SRGAP1: variants seen among roughly 807,000 people sequenced by gnomAD.
The protein encoded by SRGAP1 is SLIT-ROBO Rho GTPase-activating protein 1.
Under a neutral mutation model 121.9 loss-of-function variants are expected in SRGAP1, and 43 were observed. The ratio of observed to expected loss-of-function variants is 0.35; its 90% CI spans 0.28 to 0.46. The LOEUF (loss-of-function observed/expected upper bound fraction) is 0.46. Among genes scored for constraint, SRGAP1 ranks in the 20% least tolerant of loss-of-function variants. SRGAP1 has a pLI of 1.00. For missense variants in SRGAP1, 1,102 were observed against 1,350.9 expected, an observed-to-expected ratio of 0.82 and a Z score of 2.89; for synonymous variants, 447 against 485.4, an observed-to-expected ratio of 0.92 and a Z score of 1.04.
intron 12 of SRGAP1, among the ~76,000 whole-genome samples, chr12:64,092,958 A>G (rs994942965): frequency 6.6e-6 from 1 of 152,204 alleles, no homozygotes; most frequent in Non-Finnish European, 1.5e-5. Context: ...TAAACCAGCT[A>G]TCATGGAAAA....
At chr12:63,969,365 C>G (rs1384362133) in intron 1 of SRGAP1, among the ~76,000 whole-genome samples, 1 of 152,016 alleles carries the variant, frequency 6.6e-6, no homozygotes, top group Non-Finnish European at 1.5e-5. Flanking sequence ...GTCTTATAAC[C>G]GAATAACCTA....
chr12:64,088,456 C>T (rs1289851428), intron 11 of SRGAP1, among the ~76,000 whole-genome samples: 1 of 152,070 alleles, frequency 6.6e-6, no homozygotes, highest in African/African-American at 2.4e-5. Context: ...CTATAATTGC[C>T]AAATAGACTA....
At chr12:63,877,614 C>T (rs1365855348) in intron 1 of SRGAP1, among the ~76,000 whole-genome samples, 1 of 152,182 alleles carries the variant, frequency 6.6e-6, no homozygotes, top group Non-Finnish European at 1.5e-5. Context: ...CTGGTTACTT[C>T]ATCTTGATTG....
At chr12:63,943,431 A>G (rs1339226299) in intron 1 of SRGAP1, among the ~76,000 whole-genome samples, 1 of 152,222 alleles carries the variant, frequency 6.6e-6, no homozygotes, top group African/African-American at 2.4e-5. Context: ...AGGCATTAGC[A>G]TGTTAATTCC....
intron 1 of SRGAP1, among the ~76,000 whole-genome samples, chr12:63,968,750 G>GA (rs1419382570): frequency 6.6e-6 from 1 of 152,162 alleles, no homozygotes; most frequent in African/African-American, 2.4e-5. Flanking sequence ...GAGGGAAGAA[G>GA]AAAAAATGTA....
intron 1 of SRGAP1, among the ~76,000 whole-genome samples, chr12:63,851,886 A>G (rs1359025120): frequency 4.6e-5 from 7 of 151,856 alleles, no homozygotes; most frequent in Non-Finnish European, 1.5e-5. Flanking sequence ...TCTTTGTGAG[A>G]TTGCAGTGAG....
chr12:63,870,641 G>C (rs774181649), intron 1 of SRGAP1, among the ~76,000 whole-genome samples: 1 of 150,710 alleles, frequency 6.6e-6, no homozygotes, highest in African/African-American at 2.4e-5. Context: ...TGGGGTTCAA[G>C]TGATTCTCCT....
At chr12:63,958,741 G>T (rs1258139419) in intron 1 of SRGAP1, among the ~76,000 whole-genome samples, 2 of 152,166 alleles carry the variant, frequency 1.3e-5, no homozygotes, top group African/African-American at 2.4e-5. Flanking sequence ...TCCCAATGAT[G>T]AATTGAAATT....
chr12:63,848,163 G>A (rs73313480), intron 1 of SRGAP1, among the ~76,000 whole-genome samples: 6,154 of 151,788 alleles, frequency 0.041, 165 homozygotes, highest in Middle Eastern at 0.086. Context: ...GCACCACCAC[G>A]CCCAGTTAAT....
chr12:64,047,642 T>G (rs1047868555), intron 6 of SRGAP1, among the ~76,000 whole-genome samples: 4 of 152,160 alleles, frequency 2.6e-5, no homozygotes, highest in African/African-American at 9.6e-5. Context: ...AAACCCCCAG[T>G]TTCCTTTTAC....
intron 1 of SRGAP1, among the ~76,000 whole-genome samples, chr12:63,978,357 G>A (rs1365662011): frequency 6.6e-6 from 1 of 152,052 alleles, no homozygotes; most frequent in Non-Finnish European, 1.5e-5. Context: ...GCACCCCTTA[G>A]CAGCCATTTT....
chr12:64,092,727 A>G (rs1045513465), intron 12 of SRGAP1, among the ~76,000 whole-genome samples: 1 of 152,092 alleles, frequency 6.6e-6, no homozygotes, highest in Admixed American at 6.5e-5. Flanking sequence ...ATATGGAGAG[A>G]GAGGAACGAT....
intron 8 of SRGAP1, among the ~76,000 whole-genome samples, chr12:64,067,726 C>G (rs1317030995): frequency 2.0e-5 from 3 of 152,050 alleles, no homozygotes; most frequent in Non-Finnish European, 4.4e-5. Flanking sequence ...GGTTATCACC[C>G]CAGTTCTCTT....
intron 1 of SRGAP1, among the ~76,000 whole-genome samples, chr12:63,867,622 AG>A (rs1899683741): frequency 6.6e-6 from 1 of 152,186 alleles, no homozygotes. Flanking sequence ...GATTATTATG[AG>A]GATTAATGAT....
At chr12:63,952,026 T>C (rs894749702) in intron 1 of SRGAP1, among the ~76,000 whole-genome samples, 19 of 152,166 alleles carry the variant, frequency 1.2e-4, no homozygotes, top group African/African-American at 4.6e-4. Flanking sequence ...TTCTCACCTA[T>C]GGCTCATGCA....
Position 63,984,501 on chromosome 12 carries a change from C to G in SRGAP1, c.263+359C>G, listed in dbSNP as rs146085771. Among the ~76,000 whole-genome samples, 716 of 152,166 alleles carry G rather than the reference C, an allele frequency of 4.7e-3. 5 individuals are homozygous for G. Among genetic ancestry groups the G allele is most frequent in the African/African-American group, 0.017 (686 of 41,514 alleles). The stretch of plus-strand genomic sequence containing the variant: ...TGTTCAAGCAAAGACCTCAAATTTT[C>G]TCTAGTGAATTTATATGAAAGTAAG... On this transcript the variant is annotated intron_variant, in intron 2 of 21. Transcript: ENST00000355086.
intron 15 of SRGAP1, among the ~76,000 whole-genome samples, chr12:64,108,036 C>T (rs1044514084): frequency 2.0e-5 from 3 of 152,182 alleles, no homozygotes; most frequent in Non-Finnish European, 2.9e-5. Flanking sequence ...GCCCAGTTCT[C>T]ATTTTCCTAA....
intron 8 of SRGAP1, among the ~76,000 whole-genome samples, chr12:64,066,718 A>G (rs1459573469): frequency 6.6e-6 from 1 of 152,156 alleles, no homozygotes; most frequent in Non-Finnish European, 1.5e-5. Context: ...GATGCAACCA[A>G]TGTCATCTCT....
Position 64,158,340 on chromosome 12 carries a change from A to C in SRGAP1, c.*15668A>C, listed in dbSNP as rs1335503958. On this transcript the variant is annotated 3_prime_UTR_variant, in exon 22 of 22. Coordinates refer to ENST00000355086, the MANE Select transcript of SRGAP1 (RefSeq NM_020762.4). ...TTGTCAGGGATGAAATACTAAAGCA[A>C]CTTCATGGATTGTGATTTCAAGTAT... 2.0e-5 allele frequency: 3 copies of C among 152,246 alleles called. No individual in the cohort carries two copies. Among genetic ancestry groups the C allele is most frequent in the African/African-American group, 7.2e-5 (3 of 41,470 alleles). 9.4% of individuals were successfully genotyped at this position (152,246 alleles called of 1,614,324 possible). A position where few individuals can be genotyped will look rare whatever the true frequency, so the allele number is the denominator to read the frequency against.
Sources: allele counts gnomAD v4.1 joint callset (sites outside exome capture counted in the v4.1 genomes callset), GRCh38; gene constraint gnomAD v4.1.1; transcripts MANE v1.5; gene names NCBI Gene and HGNC (gene_info 2026-07-23, HGNC 2026-07-21).